The following MYO16 variants were observed in gnomAD, a reference collection of about 807,000 sequenced individuals.
MYO16 encodes unconventional myosin-XVI.
In MYO16, 94 loss-of-function variants were observed where a neutral mutation model predicts 205.3. The observed-to-expected ratio is 0.46, with a 90% CI of 0.39 to 0.54. The LOEUF is 0.54. Ranked by LOEUF, MYO16 falls within the 20% of genes least tolerant of loss-of-function variation. MYO16 has a pLI of 0.00. For missense variants in MYO16, 2,315 were observed against 2,387.5 expected, an observed-to-expected ratio of 0.97 and a Z score of 0.63; for synonymous variants, 988 against 954.0, an observed-to-expected ratio of 1.04 and a Z score of -0.66.
chr13:109,124,693 A>C (rs530233992), intron 29 of MYO16, among the ~76,000 whole-genome samples: 10 of 152,332 alleles, frequency 6.6e-5, no homozygotes, highest in Admixed American at 2.0e-4. Flanking sequence ...GAAACAATAT[A>C]TGCATGATAT....
At chr13:108,816,557 G>A (rs1052685636) in intron 7 of MYO16, among the ~76,000 whole-genome samples, 1 of 152,130 alleles carries the variant, frequency 6.6e-6, no homozygotes, top group Non-Finnish European at 1.5e-5. Context: ...AAGGTCACAC[G>A]ATCCATAAGC....
At chr13:108,878,116 T>C (rs999373151) in intron 12 of MYO16, among the ~76,000 whole-genome samples, 1 of 152,148 alleles carries the variant, frequency 6.6e-6, no homozygotes, top group Non-Finnish European at 1.5e-5. Flanking sequence ...GTATCTTTGA[T>C]AAGGACAGGA....
chr13:109,130,698 C>G (rs1043615543), intron 31 of MYO16, among the ~76,000 whole-genome samples: 1 of 152,172 alleles, frequency 6.6e-6, no homozygotes, highest in African/African-American at 2.4e-5. Flanking sequence ...CTGGTCCCTT[C>G]TGTGCCATTA....
intron 4 of MYO16, among the ~76,000 whole-genome samples, chr13:108,782,489 G>A (rs1355524600): frequency 3.3e-5 from 5 of 152,288 alleles, no homozygotes; most frequent in East Asian, 1.9e-4. Flanking sequence ...GCAGCCTGAC[G>A]ATGTGGTAGA....
chr13:109,081,828 A>G (rs543773918), intron 27 of MYO16, among the ~76,000 whole-genome samples: 1 of 152,332 alleles, frequency 6.6e-6, no homozygotes, highest in Non-Finnish European at 1.5e-5. Context: ...GCTGTAACTA[A>G]TAGGCATTGA....
intron 2 of MYO16, among the ~76,000 whole-genome samples, chr13:108,675,101 A>C (rs945302913): frequency 2.0e-5 from 3 of 152,170 alleles, no homozygotes; most frequent in African/African-American, 7.2e-5. Flanking sequence ...TTAGCACAGG[A>C]GGGGAAGGAT....
chr13:109,081,674 A>C (rs767959662), intron 27 of MYO16, among the ~76,000 whole-genome samples: 1 of 152,178 alleles, frequency 6.6e-6, no homozygotes, highest in Non-Finnish European at 1.5e-5. Flanking sequence ...GTTTAATATG[A>C]AAAAAGGGAT....
At chr13:108,993,206 G>T (rs111897124) in intron 21 of MYO16, among the ~76,000 whole-genome samples, 7 of 152,180 alleles carry the variant, frequency 4.6e-5, no homozygotes, top group African/African-American at 1.4e-4. Context: ...TTCTTAAGGT[G>T]GTGTGGTAGG....
At chr13:108,516,626 A>T in the MYO16 span, among the ~76,000 whole-genome samples, 5 of 152,320 alleles carry the variant, frequency 3.3e-5, no homozygotes, top group Admixed American at 1.3e-4. Context: ...TGTATCAAGA[A>T]ATAGACTATT....
intron 8 of MYO16, among the ~76,000 whole-genome samples, chr13:108,822,841 A>G (rs541408671): frequency 6.6e-6 from 1 of 152,296 alleles, no homozygotes; most frequent in South Asian, 2.1e-4. Flanking sequence ...AGTTTGCTCA[A>G]GCTTAGATTC....
At chr13:109,163,968 C>T (rs1336169800) in intron 32 of MYO16, 2 of 152,212 alleles carry the variant, frequency 1.3e-5, no homozygotes. Context: ...CAGTCAGAAT[C>T]AACTGTGTCC....
At chr13:108,698,120 C>G (rs182148950) in intron 2 of MYO16, among the ~76,000 whole-genome samples, 14 of 152,286 alleles carry the variant, frequency 9.2e-5, no homozygotes, top group Admixed American at 7.8e-4. Context: ...CCTTCCATGT[C>G]CAGCACCGAT....
At chr13:108,698,743 C>T (rs1244500959) in intron 2 of MYO16, among the ~76,000 whole-genome samples, 2 of 152,226 alleles carry the variant, frequency 1.3e-5, no homozygotes. Context: ...TCTAAAGCCA[C>T]ATGCTCAATA....
chr13:108,495,905 G>C, the MYO16 span, among the ~76,000 whole-genome samples: 1 of 152,092 alleles, frequency 6.6e-6, no homozygotes, highest in South Asian at 2.1e-4. Context: ...GCCCGGCTCC[G>C]GCGGACCCTT....
chr13:109,140,982 C>A lies in MYO16; in HGVS notation c.4770C>A (p.Ser1590=), dbSNP rs1053674437. The stretch of plus-strand genomic sequence containing the variant: ...TGTTCAACGGGTCCGGCCGAGCCTC[C>A]CCGCCGTCCACGCCGCCCCCGCCCC... ...LALFNGSGRA[S]PPSTPPPPPP... Residue 1590 remains serine, a synonymous_variant, in exon 32 of 35, where the codon TCC becomes TCA. Coordinates refer to ENST00000457511, the MANE Select transcript of MYO16 (RefSeq NM_001198950.3). This position sits in a 1 kb window ranked among gnomAD's most constrained non-coding sequence, Gnocchi z 8.0. The A allele has an allele frequency of 2.8e-5, 39 of 1,397,596 alleles. No homozygotes were observed. Among genetic ancestry groups the A allele is most frequent in the Non-Finnish European group, 3.6e-5 (39 of 1,072,462 alleles). 86.6% of individuals were successfully genotyped at this position (1,397,596 alleles called of 1,614,324 possible).
At chr13:108,685,261 T>A (rs1882631491) in intron 2 of MYO16, among the ~76,000 whole-genome samples, 1 of 152,122 alleles carries the variant, frequency 6.6e-6, no homozygotes. Context: ...GACCTCATGA[T>A]CCACCTGCCT....
In MYO16 at chr13:108,777,761, T is replaced by A. The variant is rs144828559; in HGVS notation, c.508-7874T>A. 3.0e-3 allele frequency among the ~76,000 whole-genome samples: 460 copies of A among 152,290 alleles called. 1 individual carries two copies. The highest frequency in any genetic ancestry group is 0.011 in the African/African-American group (450 of 41,564). On this transcript the variant is annotated intron_variant, in intron 4 of 34. Transcript: ENST00000457511. The stretch of plus-strand genomic sequence containing the variant: ...ATGTCAGTGAATTAATATTCTGCCC[T>A]TGTTTGTCTAATGTTGTAAGAATCC...
In MYO16 at chr13:109,073,214, G is replaced by A. The variant is rs138098702; in HGVS notation, c.3335+17619G>A. 5.0e-4 allele frequency among the ~76,000 whole-genome samples: 75 copies of A among 151,220 alleles called. No homozygotes were observed. The East Asian group carries it at 0.013, about 27-fold the overall frequency. On this transcript the variant is annotated intron_variant, in intron 27 of 34. Coordinates refer to ENST00000457511, the MANE Select transcript of MYO16 (RefSeq NM_001198950.3). ...CCTCCTGGGTTCAAGCGATTCTCCT[G>A]CCTCAGCATCCCGAGTAGCTAGGAT... is the stretch of plus-strand genomic sequence containing the variant.
intron 2 of MYO16, among the ~76,000 whole-genome samples, chr13:108,704,048 A>C (rs55673308): frequency 0.16 from 24,067 of 152,092 alleles, 2,067 homozygotes; most frequent in Middle Eastern, 0.25. Context: ...GCAGCCATCC[A>C]CAAGCCAAGA....
Sources: gnomAD v4.1 joint callset for allele counts (sites outside exome capture counted in the v4.1 genomes callset) on GRCh38, gnomAD v4.1.1 for gene constraint, Gnocchi (gnomAD v3.1) non-coding constraint, MANE v1.5 for transcripts, NCBI Gene and HGNC (gene_info 2026-07-23, HGNC 2026-07-21) for gene names.